The following LGALS2 variants were observed in gnomAD, a reference collection of about 807,000 sequenced individuals.
LGALS2 encodes galectin 2, also known as galectin-2.
Under a neutral mutation model 10.1 loss-of-function variants are expected in LGALS2, and 7 were observed. That is an observed-to-expected ratio of 0.70 (90% CI 0.40 to 1.31). LGALS2 has a LOEUF of 1.31. LGALS2 is among the 50% of genes most tolerant of loss of function. The pLI, the probability that LGALS2 is intolerant of heterozygous loss-of-function variation, is 0.01. For synonymous variants in LGALS2, 86 were observed against 64.2 expected (o/e 1.34, Z -1.63); for missense variants, 167 against 163.6 (o/e 1.02, Z -0.11).
At chr22:37,576,214 A>AGGCCGAG (rs1342930782) in intron 1 of LGALS2, among the ~76,000 whole-genome samples, 2 of 151,958 alleles carry the variant, frequency 1.3e-5, no homozygotes, top group African/African-American at 4.8e-5. Context: ...GCACTTTGGG[A>AGGCCGAG]GGCCGAGGGG....
chr22:37,572,631 G>A (rs909949421), intron 1 of LGALS2, among the ~76,000 whole-genome samples: 1 of 151,976 alleles, frequency 6.6e-6, no homozygotes, highest in African/African-American at 2.4e-5. Flanking sequence ...GCCGGGTGTG[G>A]TGGCAGGTGC....
chr22:37,576,899 G>A (rs1166403807), intron 1 of LGALS2, among the ~76,000 whole-genome samples: 4 of 151,584 alleles, frequency 2.6e-5, no homozygotes, highest in African/African-American at 4.8e-5. Context: ...GCGGGAGGGT[G>A]CAGGCCCGGG....
intron 1 of LGALS2, among the ~76,000 whole-genome samples, chr22:37,579,410 C>G (rs1239654281): frequency 1.3e-5 from 2 of 152,030 alleles, no homozygotes; most frequent in African/African-American, 2.4e-5. Flanking sequence ...TGCACTCCAC[C>G]TGGTGACAGA....
intron 1 of LGALS2, among the ~76,000 whole-genome samples, chr22:37,577,137 G>A (rs574902531): frequency 1.3e-5 from 2 of 152,206 alleles, no homozygotes; most frequent in South Asian, 4.2e-4. Context: ...CTCTGGAGCT[G>A]GAGAGAGAGG....
rs771220102 is a variant in LGALS2, at chr22:37,570,333, C to T, written c.329G>A (p.Gly110Asp). Residue 110 changes from glycine to aspartate, a missense_variant, in exon 4 of 4, where the codon GGT becomes GAT. By Grantham distance (94) the Gly-to-Asp change is moderately conservative. Transcript: ENST00000215886. The part of the protein sequence containing the change: ...GHELTFPNRL[G>D]HSHLSYLSVR... ...GCTCAGGTAGCTCAGGTGGCTGTGA[C>T]CCAGCCTGTTGGGAAAAGTCAGCTC... 33 of 1,614,020 alleles carry T rather than the reference C, an allele frequency of 2.0e-5. No individual in the cohort carries two copies. The highest frequency in any genetic ancestry group is 1.7e-5 in the Admixed American group (1 of 59,996).
chr22:37,579,112 G>A (rs1419003195), intron 1 of LGALS2, among the ~76,000 whole-genome samples: 5 of 151,290 alleles, frequency 3.3e-5, no homozygotes, highest in African/African-American at 1.2e-4. Context: ...GCCAGGTGTG[G>A]TGACACATAC....
intron 2 of LGALS2, 149 bp from the exon 3 acceptor site, chr22:37,570,884 G>C (rs1027843546): frequency 4.9e-6 from 4 of 820,278 alleles, no homozygotes; most frequent in Non-Finnish European, 8.0e-6. Context: ...GTAACAACCT[G>C]CTCAGACTTA....
chr22:37,577,752 G>C (rs749486704), intron 1 of LGALS2, among the ~76,000 whole-genome samples: 13 of 152,126 alleles, frequency 8.5e-5, no homozygotes, highest in Non-Finnish European at 1.8e-4. Context: ...TTTAGGGTTG[G>C]TCCTAAATCC....
chr22:37,579,665 C>T (rs1236672331), intron 1 of LGALS2, among the ~76,000 whole-genome samples: 1 of 152,104 alleles, frequency 6.6e-6, no homozygotes, highest in East Asian at 1.9e-4. Flanking sequence ...AACTCCCAAC[C>T]TCAGATGATC....
chr22:37,571,379 G>C (rs1325071384), intron 2 of LGALS2, among the ~76,000 whole-genome samples: 1 of 152,216 alleles, frequency 6.6e-6, no homozygotes, highest in African/African-American at 2.4e-5. Context: ...CCTTTCGCTG[G>C]ACTGTGACTC....
intron 1 of LGALS2, among the ~76,000 whole-genome samples, chr22:37,574,384 C>A (rs2145820930): frequency 6.6e-6 from 1 of 151,656 alleles, no homozygotes; most frequent in South Asian, 2.1e-4. Flanking sequence ...GGTGTGGTGG[C>A]ACATGCCTGT....
At chr22:37,577,535 C>CTTTTT (rs1242922699) in intron 1 of LGALS2, among the ~76,000 whole-genome samples, 1 of 147,144 alleles carries the variant, frequency 6.8e-6, no homozygotes, top group Non-Finnish European at 1.5e-5. Context: ...TCTTCTTCTT[C>CTTTTT]TTCTTTTTTG....
At chr22:37,576,834 C>G (rs910547189) in intron 1 of LGALS2, among the ~76,000 whole-genome samples, 6 of 152,198 alleles carry the variant, frequency 3.9e-5, no homozygotes, top group African/African-American at 1.4e-4. Flanking sequence ...AGGGCAGAAG[C>G]ACTCGGAAGT....
In LGALS2 at chr22:37,577,209, G is replaced by A. The variant is rs373060260; in HGVS notation, c.6+2691C>T. ...AGGTGGGGAGAGTCCGTGGGCCACA[G>A]CAGTCCTCCCCGAGAGGCAGAGGGT... On this transcript the variant is annotated intron_variant, in intron 1 of 3. Transcript: ENST00000215886. Among the ~76,000 whole-genome samples the A allele has an allele frequency of 3.0e-4, 45 of 152,270 alleles. No individual in the cohort carries two copies. The South Asian group carries it at 9.1e-3, about 31-fold the overall frequency.
intron 2 of LGALS2, 65 bp downstream of exon 2, chr22:37,571,784 G>T: frequency 2.2e-6 from 3 of 1,353,356 alleles, no homozygotes; most frequent in Non-Finnish European, 3.2e-6. Flanking sequence ...GGGCTGCCCT[G>T]CCTGCCCCAC....
chr22:37,571,845 T>A lies in LGALS2; in HGVS notation c.89+4A>T. 1.9e-6 allele frequency: 3 copies of A among 1,613,362 alleles called. No homozygotes were observed. Among genetic ancestry groups the A allele is most frequent in the Non-Finnish European group, 2.5e-6 (3 of 1,179,354 alleles). On this transcript the variant is annotated splice_donor_region_variant and intron_variant, in intron 2 of 3. Coordinates refer to ENST00000215886, the MANE Select transcript of LGALS2 (RefSeq NM_006498.3). ...GACTCCCCCAACCCTGAAACCTTGC[T>A]CACCCATCAGTGCCATCGGCGATGC...
At chr22:37,575,204 T>C (rs1569182516) in intron 1 of LGALS2, among the ~76,000 whole-genome samples, 1 of 33,228 alleles carries the variant, frequency 3.0e-5, no homozygotes, top group East Asian at 4.8e-4. Flanking sequence ...CTTTTCTTTC[T>C]TTTTTTTTTT....
At chr22:37,577,353 T>A (rs1394931411) in intron 1 of LGALS2, among the ~76,000 whole-genome samples, 2 of 49,188 alleles carry the variant, frequency 4.1e-5, no homozygotes, top group Non-Finnish European at 9.6e-5. Context: ...CAATGTGACC[T>A]TTTTTTTTTT....
chr22:37,576,600 G>A (rs1469469311), intron 1 of LGALS2, among the ~76,000 whole-genome samples: 2 of 152,128 alleles, frequency 1.3e-5, no homozygotes, highest in Admixed American at 6.6e-5. Context: ...ACTCACAGAC[G>A]TGTGCCCTGC....
Sources: allele counts gnomAD v4.1 joint callset (sites outside exome capture counted in the v4.1 genomes callset), GRCh38; gene constraint gnomAD v4.1.1; transcripts MANE v1.5; gene names NCBI Gene and HGNC (gene_info 2026-07-23, HGNC 2026-07-21).